KCNH1: variants seen among roughly 807,000 people sequenced by gnomAD.
KCNH1 encodes the protein potassium voltage-gated channel subfamily H member 1.
KCNH1 carries 27 observed loss-of-function variants against 69.2 expected under a neutral mutation model. The observed-to-expected ratio is 0.39, with a 90% CI of 0.29 to 0.54. KCNH1 has a LOEUF of 0.54. Ranked by LOEUF, KCNH1 falls within the 20% of genes least tolerant of loss-of-function variation. The pLI is 0.68. For synonymous variants in KCNH1, 456 were observed against 487.7 expected, an observed-to-expected ratio of 0.93 and a Z score of 0.86; for missense variants, 798 against 1,261.6, an observed-to-expected ratio of 0.63 and a Z score of 5.57.
chr1:210,997,221 A>G (rs1689065562), intron 6 of KCNH1, among the ~76,000 whole-genome samples: 1 of 152,208 alleles, frequency 6.6e-6, no homozygotes, highest in Admixed American at 6.5e-5. Flanking sequence ...TCCGAGCTAC[A>G]GGAGGAAATT....
At chr1:210,924,205 A>C (rs1166659289) in intron 6 of KCNH1, among the ~76,000 whole-genome samples, 1 of 152,226 alleles carries the variant, frequency 6.6e-6, no homozygotes, top group Non-Finnish European at 1.5e-5. Context: ...ACTGTGAGAG[A>C]ATAAATTTCT....
At chr1:210,929,505 A>G (rs1687639616) in intron 6 of KCNH1, among the ~76,000 whole-genome samples, 1 of 152,106 alleles carries the variant, frequency 6.6e-6, no homozygotes, top group Admixed American at 6.5e-5. Context: ...TCTCAGCAAA[A>G]TCTGCAGAGA....
At chr1:210,991,804 G>A (rs1688943667) in intron 6 of KCNH1, among the ~76,000 whole-genome samples, 1 of 152,108 alleles carries the variant, frequency 6.6e-6, no homozygotes, top group African/African-American at 2.4e-5. Context: ...ATGAAAACCA[G>A]AAAGCAGAAA....
rs1182876540 is a variant in KCNH1 at position 210,700,558 on chromosome 1, C to CTGTA, written c.2113-16424_2113-16421dup. On this transcript the variant is annotated intron_variant, in intron 10 of 10. Transcript: ENST00000271751. ...TTTTTCTTATTGATTTGTCATCTCT[C>CTGTA]TGTATGTATTTTAGGTCTTAATTTG... is the stretch of plus-strand genomic sequence containing the variant. 2.0e-5 allele frequency among the ~76,000 whole-genome samples: 3 copies of CTGTA among 152,328 alleles called. No individual in the cohort carries two copies. The East Asian group carries it at 5.8e-4, about 29-fold the overall frequency.
rs372056406 is a variant in KCNH1 at position 211,005,656 on chromosome 1, C to T, written c.1032+13127G>A. ...TGTGAATGGAAAACAATAAAACTAG[C>T]GGAAGATTATATGGGAAAATATCTT... On this transcript the variant is annotated intron_variant, in intron 6 of 10. Transcript: ENST00000271751. Among the ~76,000 whole-genome samples the T allele has an allele frequency of 5.3e-5, 8 of 151,956 alleles. No individual in the cohort carries two copies. The South Asian group carries it at 6.2e-4, about 12-fold the overall frequency.
intron 10 of KCNH1, among the ~76,000 whole-genome samples, chr1:210,727,083 G>A (rs1682615963): frequency 6.6e-6 from 1 of 152,190 alleles, no homozygotes; most frequent in South Asian, 2.1e-4. Context: ...TTGATGGTGT[G>A]TGGGATTAGG....
In KCNH1 at chr1:210,804,107, T is replaced by C. The variant is rs1684484180; in HGVS notation, c.1522A>G (p.Asn508Asp). ...VTTIFQQMYA[N>D]TNRYHEMLNS... ...AGCATCTCATGGTATCTGTTGGTGT[T>C]GGCATACATCTGTTGGAAAATAGTC... The change falls in exon 8 of 11, where the codon AAC becomes GAC. Residue 508 changes from asparagine to aspartate, a missense_variant. Asn to Asp is a conservative substitution (Grantham distance 23). Transcript: ENST00000271751. The C allele has an allele frequency of 1.2e-6, 2 of 1,614,068 alleles. No homozygotes were observed. The highest frequency in any genetic ancestry group is 1.3e-5 in the African/African-American group (1 of 74,938).
chr1:210,749,956 T>G (rs1683246554), intron 10 of KCNH1, among the ~76,000 whole-genome samples: 1 of 152,150 alleles, frequency 6.6e-6, no homozygotes, highest in African/African-American at 2.4e-5. Flanking sequence ...CTGGCCAGGC[T>G]GGTCTCAAAC....
chr1:210,781,092 C>T (rs1177076499), intron 9 of KCNH1, among the ~76,000 whole-genome samples: 1 of 152,098 alleles, frequency 6.6e-6, no homozygotes, highest in Non-Finnish European at 1.5e-5. Context: ...AGCCTCTGAA[C>T]CACCCCTTAT....
At chr1:211,010,296 G>C (rs1689370723) in intron 6 of KCNH1, among the ~76,000 whole-genome samples, 1 of 152,018 alleles carries the variant, frequency 6.6e-6, no homozygotes, top group Non-Finnish European at 1.5e-5. Context: ...ATGGGAGGAG[G>C]GAAAGCAGGG....
chr1:211,073,260 A>G (rs1038609979), intron 5 of KCNH1, among the ~76,000 whole-genome samples: 1 of 152,238 alleles, frequency 6.6e-6, no homozygotes, highest in Admixed American at 6.5e-5. Flanking sequence ...AAAATAGATG[A>G]ATTCATTATT....
At chr1:210,988,438 A>G (rs1688884099) in intron 6 of KCNH1, among the ~76,000 whole-genome samples, 2 of 151,984 alleles carry the variant, frequency 1.3e-5, no homozygotes, top group South Asian at 4.1e-4. Context: ...CCCCTATGCG[A>G]GAATACTTAA....
intron 10 of KCNH1, among the ~76,000 whole-genome samples, chr1:210,721,990 T>C (rs1682477405): frequency 6.6e-6 from 1 of 152,082 alleles, no homozygotes; most frequent in South Asian, 2.1e-4. Flanking sequence ...CCACTCACCC[T>C]GCCACTTCCC....
chr1:210,843,986 C>T (rs1685480946), intron 7 of KCNH1, among the ~76,000 whole-genome samples: 1 of 152,064 alleles, frequency 6.6e-6, no homozygotes, highest in South Asian at 2.1e-4. Flanking sequence ...CCCAAAGATG[C>T]TGATTTACTG....
intron 10 of KCNH1, among the ~76,000 whole-genome samples, chr1:210,709,771 T>C: frequency 6.6e-6 from 1 of 151,302 alleles, no homozygotes; most frequent in East Asian, 2.0e-4. Flanking sequence ...AGAGAAATGA[T>C]AGCTCTGACT....
At chr1:210,941,519 T>C (rs1307512751) in intron 6 of KCNH1, among the ~76,000 whole-genome samples, 2 of 152,200 alleles carry the variant, frequency 1.3e-5, no homozygotes, top group Admixed American at 1.3e-4. Flanking sequence ...ACCTGGGTTG[T>C]ATCTGTGAGA....
chr1:210,981,890 G>A (rs1401920298), intron 6 of KCNH1, among the ~76,000 whole-genome samples: 1 of 152,126 alleles, frequency 6.6e-6, no homozygotes, highest in Non-Finnish European at 1.5e-5. Flanking sequence ...CCAGGGGAAT[G>A]TGTATGTGTG....
chr1:210,819,440 A>AC, intron 7 of KCNH1, among the ~76,000 whole-genome samples: 1 of 152,300 alleles, frequency 6.6e-6, no homozygotes, highest in Admixed American at 6.5e-5. Context: ...GCGAGCCTTC[A>AC]CATGGACTCT....
At chr1:210,787,952 G>A (rs893842048) in intron 9 of KCNH1, among the ~76,000 whole-genome samples, 2 of 152,130 alleles carry the variant, frequency 1.3e-5, no homozygotes, top group Admixed American at 6.5e-5. Context: ...AGCCATAAAT[G>A]GTTAAGTTAA....
Sources: gnomAD v4.1 joint callset for allele counts (sites outside exome capture counted in the v4.1 genomes callset) on GRCh38, gnomAD v4.1.1 for gene constraint, MANE v1.5 for transcripts, NCBI Gene and HGNC (gene_info 2026-07-23, HGNC 2026-07-21) for gene names.